Variants in SEC31B observed in about 807,000 individuals in gnomAD.
SEC31B encodes the protein protein transport protein Sec31B.
A neutral mutation model predicts 135.0 loss-of-function variants in SEC31B; 113 were observed. That is an observed-to-expected ratio of 0.84 (90% CI 0.72 to 0.98). The LOEUF is 0.98. SEC31B is among the 50% of genes least tolerant of loss of function. SEC31B has a pLI of 0.00. For synonymous variants in SEC31B, 508 were observed against 549.4 expected, an observed-to-expected ratio of 0.92 and a Z score of 1.05; for missense variants, 1,296 against 1,421.1, an observed-to-expected ratio of 0.91 and a Z score of 1.42.
intron 25 of SEC31B, 83 bp downstream of exon 25, chr10:100,487,944 G>T: frequency 1.3e-6 from 2 of 1,530,476 alleles, no homozygotes; most frequent in Non-Finnish European, 1.8e-6. Flanking sequence ...GACACCTATG[G>T]GAAGAAAAGA....
In SEC31B at chr10:100,496,376, G is replaced by A; in HGVS notation, c.2192C>T (p.Pro731Leu). ...GGCAGGGCCTGGGCTCACCCCATGA[G>A]GACCCCGCAGTTGCTCCAAGCTCCT... ...LNRSLEQLRGPHGVSPGPATT... is the reference protein window; with the variant it reads ...LNRSLEQLRGLHGVSPGPATT... Residue 731 changes from proline to leucine, a missense_variant, in exon 18 of 26, where the codon CCT becomes CTT. Pro to Leu is a moderately conservative substitution (Grantham distance 98). Transcript: ENST00000370345. The A allele has an allele frequency of 6.2e-7, 1 of 1,614,196 alleles. No individual in the cohort carries two copies. The highest frequency in any genetic ancestry group is 8.5e-7 in the Non-Finnish European group (1 of 1,180,034).
chr10:100,495,297 G>A, intron 19 of SEC31B, 88 bp downstream of exon 19: 1 of 1,225,420 alleles, frequency 8.2e-7, no homozygotes, highest in Non-Finnish European at 1.2e-6. Context: ...ATTTTCATCA[G>A]TTTTGTTCAC....
chr10:100,503,511 G>A (rs370456570), intron 10 of SEC31B, among the ~76,000 whole-genome samples: 60 of 150,282 alleles, frequency 4.0e-4, no homozygotes, highest in African/African-American at 1.3e-3. Flanking sequence ...TCGGCTCACC[G>A]TAACCTCCGC....
intron 3 of SEC31B, among the ~76,000 whole-genome samples, chr10:100,510,937 A>C (rs1245196758): frequency 6.6e-6 from 1 of 152,222 alleles, no homozygotes; most frequent in Non-Finnish European, 1.5e-5. Flanking sequence ...GGTAGAGGGC[A>C]TGTCAACTGA....
intron 3 of SEC31B, 66 bp from the exon 4 acceptor site, chr10:100,509,577 T>C: frequency 7.5e-7 from 1 of 1,325,126 alleles, no homozygotes; most frequent in Non-Finnish European, 1.0e-6. Flanking sequence ...AGGATGGGCA[T>C]CTCTGTCAGC....
chr10:100,503,475 C>G (rs1284206505), intron 10 of SEC31B, among the ~76,000 whole-genome samples: 2 of 151,274 alleles, frequency 1.3e-5, no homozygotes, highest in African/African-American at 4.9e-5. Flanking sequence ...TTCTTGTTGC[C>G]CAGGCTGGAG....
At chr10:100,513,668 C>T (rs1851774708) in intron 3 of SEC31B, among the ~76,000 whole-genome samples, 1 of 151,742 alleles carries the variant, frequency 6.6e-6, no homozygotes, top group Non-Finnish European at 1.5e-5. Flanking sequence ...CGGGGTTTCA[C>T]TATGTTGGCC....
At chr10:100,489,550 A>G in intron 22 of SEC31B, 152 bp from the exon 23 acceptor site, 1 of 1,360,676 alleles carries the variant, frequency 7.3e-7, no homozygotes, top group Admixed American at 2.2e-5. Context: ...TGTAAGAGGG[A>G]AAGAGAAAGA....
chr10:100,493,580 C>T (rs1689792631), intron 19 of SEC31B, among the ~76,000 whole-genome samples: 1 of 152,100 alleles, frequency 6.6e-6, no homozygotes, highest in African/African-American at 2.4e-5. Flanking sequence ...AGCTGGAGAA[C>T]ATATTGGTGA....
chr10:100,490,359 C>A (rs770375156), intron 20 of SEC31B, 37 bp from the exon 21 acceptor site: 1 of 1,582,954 alleles, frequency 6.3e-7, no homozygotes, highest in South Asian at 1.2e-5. Flanking sequence ...TGTCACTAAA[C>A]TTCATTTCAG....
In SEC31B at chr10:100,516,768, C is replaced by T. The variant is rs576882176; in HGVS notation, c.79+106G>A. ...TTATGCTGTGAGCCACCCTATCTTT[C>T]TATGATCTGAGAGCTTTCTCTGATG... On this transcript the variant is annotated intron_variant, in intron 2 of 25. Coordinates refer to ENST00000370345, the MANE Select transcript of SEC31B (RefSeq NM_015490.4). The T allele has an allele frequency of 1.8e-5, 14 of 797,746 alleles. No homozygotes were observed. In the East Asian group the frequency reaches 4.6e-4, roughly 26 times the overall value. 49.4% of individuals were successfully genotyped at this position (797,746 alleles called of 1,614,324 possible).
intron 3 of SEC31B, among the ~76,000 whole-genome samples, chr10:100,515,273 C>A (rs1231594507): frequency 1.3e-5 from 2 of 152,170 alleles, no homozygotes; most frequent in Non-Finnish European, 2.9e-5. Flanking sequence ...GCCTGGGCGA[C>A]AGAGTAAGAC....
rs1463321953 is a variant in SEC31B, at chr10:100,506,522, C to T, written c.783-102G>A. The T allele has an allele frequency of 2.0e-4, 180 of 904,942 alleles. 4 individuals are homozygous for T. In the South Asian group the frequency reaches 2.6e-3, roughly 13 times the overall value. The allele number at this position is 904,942 out of a possible 1,614,324, so 56.1% of individuals were successfully genotyped here. On this transcript the variant is annotated intron_variant, in intron 7 of 25. Coordinates refer to ENST00000370345, the MANE Select transcript of SEC31B (RefSeq NM_015490.4). ...CATTTTATAGGGCATATCAGACCATCCATGCCCTATAAAATGCATGGTCTG... is the reference window on the plus strand; with the variant it reads ...CATTTTATAGGGCATATCAGACCATTCATGCCCTATAAAATGCATGGTCTG...
At chr10:100,497,372 G>A in intron 16 of SEC31B, 92 bp from the exon 17 acceptor site, 5 of 1,563,846 alleles carry the variant, frequency 3.2e-6, no homozygotes, top group Non-Finnish European at 4.3e-6. Context: ...CATGAGCCTG[G>A]GACAAGTAGC....
intron 6 of SEC31B, 86 bp from the exon 7 acceptor site, chr10:100,507,653 G>T: frequency 6.4e-7 from 1 of 1,559,118 alleles, no homozygotes; most frequent in Non-Finnish European, 8.8e-7. Context: ...CAAGTTTTCT[G>T]TCTCTTTTGT....
At position 100,498,622 on chromosome 10, in the gene SEC31B, A is replaced by C. The variant is rs186668209; in HGVS notation, c.1684+83T>G. On this transcript the variant is annotated intron_variant, in intron 14 of 25. Coordinates refer to ENST00000370345, the MANE Select transcript of SEC31B (RefSeq NM_015490.4). ...GGAGGAAGGCACGAGGCAGGGGACA[A>C]GAAGGGAATGTCTCAAGTCCAAAAC... 7 of 969,398 alleles carry C rather than the reference A, an allele frequency of 7.2e-6. No individual in the cohort carries two copies. The East Asian group carries it at 1.2e-4, about 17-fold the overall frequency. 60.0% of individuals were successfully genotyped at this position (969,398 alleles called of 1,614,324 possible).
intron 3 of SEC31B, among the ~76,000 whole-genome samples, chr10:100,512,217 T>C (rs1057402570): frequency 6.6e-6 from 1 of 152,216 alleles, no homozygotes; most frequent in Non-Finnish European, 1.5e-5. Flanking sequence ...TCCATGTTAC[T>C]TGAGGATGGT....
chr10:100,519,029 A>T (rs1267685413), intron 1 of SEC31B, among the ~76,000 whole-genome samples: 1 of 152,190 alleles, frequency 6.6e-6, no homozygotes, highest in Non-Finnish European at 1.5e-5. Context: ...TGCATATCTC[A>T]GTTAATTCTC....
chr10:100,494,119 T>A (rs1328361801), intron 19 of SEC31B, among the ~76,000 whole-genome samples: 1 of 151,862 alleles, frequency 6.6e-6, no homozygotes, highest in Non-Finnish European at 1.5e-5. Flanking sequence ...CAAATCTCCC[T>A]GGATTCTGTT....
Sources: allele counts gnomAD v4.1 joint callset (sites outside exome capture counted in the v4.1 genomes callset), GRCh38; gene constraint gnomAD v4.1.1; transcripts MANE v1.5; gene names NCBI Gene and HGNC (gene_info 2026-07-23, HGNC 2026-07-21).